RAB3GAP2: variants seen among roughly 807,000 people sequenced by gnomAD.
RAB3GAP2 encodes RAB3 GTPase activating non-catalytic protein subunit 2.
In RAB3GAP2, 87 loss-of-function variants were observed where a neutral mutation model predicts 185.3. The ratio of observed to expected loss-of-function variants is 0.47; its 90% CI spans 0.39 to 0.56. The LOEUF is 0.56. RAB3GAP2 is among the 20% of genes least tolerant of loss of function. The pLI is 0.00. For synonymous variants in RAB3GAP2, 554 were observed against 576.1 expected, an observed-to-expected ratio of 0.96 and a Z score of 0.55; for missense variants, 1,492 against 1,638.2, an observed-to-expected ratio of 0.91 and a Z score of 1.54.
chr1:220,232,309 T>C (rs1340262954), intron 2 of RAB3GAP2, among the ~76,000 whole-genome samples: 1 of 152,156 alleles, frequency 6.6e-6, no homozygotes, highest in Non-Finnish European at 1.5e-5. Context: ...GAGAGGTAAT[T>C]AGGTCATGAG....
chr1:220,195,147 C>T lies in RAB3GAP2; in HGVS notation c.1061G>A (p.Ser354Asn). The T allele has an allele frequency of 6.2e-7, 1 of 1,614,140 alleles. No individual in the cohort carries two copies. The highest frequency in any genetic ancestry group is 8.5e-7 in the Non-Finnish European group (1 of 1,180,008). ...NAASGWLGWK[S>N]KHEEEAVQKQ... ...TTGGACAGCTTCTTCTTCGTGCTTA[C>T]TTTTCCAACCAAGCCAACCACTGAA... The change falls in exon 12 of 35, where the codon AGT becomes AAT. Residue 354 changes from serine (S) to asparagine (N), a missense_variant. This residue lies in a region of RAB3GAP2 where 243 missense variants were observed against 314.8 expected (regional missense o/e 0.77). Transcript: ENST00000358951.
chr1:220,198,931 G>C (rs1486780534), intron 9 of RAB3GAP2, among the ~76,000 whole-genome samples: 4 of 152,178 alleles, frequency 2.6e-5, no homozygotes, highest in Admixed American at 2.6e-4. Flanking sequence ...AGTGAAGAGA[G>C]GGAGAAAGCC....
At chr1:220,187,143 T>C (rs1046099431) in intron 17 of RAB3GAP2, among the ~76,000 whole-genome samples, 6 of 152,232 alleles carry the variant, frequency 3.9e-5, no homozygotes, top group African/African-American at 1.4e-4. Flanking sequence ...TTCTCCCATG[T>C]ATGTAGCTAT....
chr1:220,153,897 A>T (rs1483018312), intron 32 of RAB3GAP2, 71 bp downstream of exon 32: 5 of 1,598,224 alleles, frequency 3.1e-6, no homozygotes, highest in Non-Finnish European at 4.3e-6. Context: ...TCTTTTCAAA[A>T]GCCAGCTAGA....
chr1:220,257,837 C>T (rs780094343), intron 1 of RAB3GAP2, among the ~76,000 whole-genome samples: 12 of 151,722 alleles, frequency 7.9e-5, no homozygotes, highest in Middle Eastern at 3.2e-3. Context: ...TCTAGCTAGA[C>T]TAATAAAGAA....
At position 220,157,467 on chromosome 1, in the gene RAB3GAP2, T is replaced by TG; in HGVS notation, c.3357_3358insC (p.Ile1120HisfsTer9). On this transcript the variant is annotated frameshift_variant, in exon 31 of 35. Coordinates refer to ENST00000358951, the MANE Select transcript of RAB3GAP2 (RefSeq NM_012414.4). LOFTEE classifies it high-confidence loss of function. ...TCAGTATCCAGCACAGGCACCTGTA[T>TG]TTCATCCCTGCTAACATCTGCCTAA... 5.0e-6 allele frequency: 8 copies of TG among 1,613,564 alleles called. No individual in the cohort carries two copies. The highest frequency in any genetic ancestry group is 6.8e-6 in the Non-Finnish European group (8 of 1,180,018).
intron 1 of RAB3GAP2, among the ~76,000 whole-genome samples, chr1:220,265,199 A>G (rs1660208779): frequency 6.6e-6 from 1 of 152,134 alleles, no homozygotes; most frequent in Admixed American, 6.5e-5. Flanking sequence ...AGAGTATTTT[A>G]TATCATTTGT....
At chr1:220,254,326 C>T in intron 1 of RAB3GAP2, 1 of 1,613,456 alleles carries the variant, frequency 6.2e-7, no homozygotes, top group Admixed American at 1.7e-5. Context: ...TCCCGATGCA[C>T]CCATGTCCCA....
intron 7 of RAB3GAP2, among the ~76,000 whole-genome samples, chr1:220,210,128 T>C (rs905169789): frequency 7.9e-5 from 12 of 152,138 alleles, no homozygotes; most frequent in Non-Finnish European, 1.5e-5. Flanking sequence ...ATTCTAAAAA[T>C]AAGAAATTTT....
At chr1:220,245,506 C>T (rs977533902) in intron 1 of RAB3GAP2, among the ~76,000 whole-genome samples, 2 of 152,156 alleles carry the variant, frequency 1.3e-5, no homozygotes, top group Admixed American at 6.5e-5. Flanking sequence ...ACACCTGGCT[C>T]GGAGGGTCCT....
chr1:220,172,514 T>C, intron 22 of RAB3GAP2, 123 bp downstream of exon 22: 2 of 678,240 alleles, frequency 2.9e-6, no homozygotes, highest in Admixed American at 2.7e-5. Context: ...TAAAAGAATC[T>C]CTACGGTGAA....
chr1:220,232,909 T>A (rs758346544), intron 1 of RAB3GAP2, 46 bp from the exon 2 acceptor site: 7 of 1,509,886 alleles, frequency 4.6e-6, no homozygotes, highest in Non-Finnish European at 6.4e-6. Context: ...TATAGGGCTT[T>A]AAATATCTTT....
At chr1:220,249,989 C>A (rs879809843) in intron 1 of RAB3GAP2, among the ~76,000 whole-genome samples, 3 of 152,172 alleles carry the variant, frequency 2.0e-5, no homozygotes, top group Non-Finnish European at 4.4e-5. Context: ...TTTGCTAGGG[C>A]AGTGTGGAAG....
intron 1 of RAB3GAP2, chr1:220,254,298 C>G: frequency 6.2e-7 from 1 of 1,613,410 alleles, no homozygotes; most frequent in Non-Finnish European, 8.5e-7. Flanking sequence ...CACAGTATGC[C>G]GAAATTCTTG....
chr1:220,229,643 C>T (rs779924817), intron 2 of RAB3GAP2, among the ~76,000 whole-genome samples: 1 of 152,132 alleles, frequency 6.6e-6, no homozygotes, highest in African/African-American at 2.4e-5. Context: ...ATGTCATTCA[C>T]AAATATTAAC....
intron 27 of RAB3GAP2, among the ~76,000 whole-genome samples, chr1:220,164,024 T>A (rs920412896): frequency 2.0e-5 from 3 of 152,048 alleles, no homozygotes; most frequent in African/African-American, 7.2e-5. Context: ...TCAATTCCTA[T>A]AATGAAACCC....
chr1:220,182,443 GAAAC>G, intron 20 of RAB3GAP2, 89 bp from the exon 21 acceptor site: 3 of 1,571,634 alleles, frequency 1.9e-6, no homozygotes, highest in Non-Finnish European at 2.6e-6. Context: ...GAATTCCAGA[GAAAC>G]AAAACATTAT....
At position 220,206,007 on chromosome 1, in the gene RAB3GAP2, C is replaced by T; in HGVS notation, c.613-1G>A. ...GATATAAGATACTCAACTCTTCATT[C>T]TATTTAAGAAATAAAAAAAAAAAGT... On this transcript the variant is annotated splice_acceptor_variant, in intron 7 of 34. Coordinates refer to ENST00000358951, the MANE Select transcript of RAB3GAP2 (RefSeq NM_012414.4). LOFTEE classifies it high-confidence loss of function. 2 of 1,559,480 alleles carry T rather than the reference C, an allele frequency of 1.3e-6. No homozygotes were observed. The highest frequency in any genetic ancestry group is 8.8e-7 in the Non-Finnish European group (1 of 1,138,506).
rs1222901056 is a variant in RAB3GAP2, at chr1:220,272,264, A to G, written c.74T>C (p.Leu25Pro). 2 of 1,611,664 alleles carry G rather than the reference A, an allele frequency of 1.2e-6. No individual in the cohort carries two copies. Among genetic ancestry groups the G allele is most frequent in the African/African-American group, 1.3e-5 (1 of 74,796 alleles). ...GGCGCCGCTGAGGATCTCCTCCCGCAGGTGAGGAAAGAGGAAGTCCCGGGC... is the reference window on the plus strand; with the variant it reads ...GGCGCCGCTGAGGATCTCCTCCCGCGGGTGAGGAAAGAGGAAGTCCCGGGC... ...QAARDFLFPHLREEILSGALR... is the reference protein window; with the variant it reads ...QAARDFLFPHPREEILSGALR... The change falls in exon 1 of 35, where the codon CTG becomes CCG. Residue 25 changes from leucine to proline, a missense_variant. By Grantham distance (98) the Leu-to-Pro change is moderately conservative. Coordinates refer to ENST00000358951, the MANE Select transcript of RAB3GAP2 (RefSeq NM_012414.4).
Sources: gnomAD v4.1 joint callset for allele counts (sites outside exome capture counted in the v4.1 genomes callset) on GRCh38, gnomAD v4.1.1 for gene constraint, gnomAD v4.1.1 regional missense constraint, MANE v1.5 for transcripts, NCBI Gene and HGNC (gene_info 2026-07-23, HGNC 2026-07-21) for gene names.